The following DNAAF4 variants were observed in gnomAD, a reference collection of about 807,000 sequenced individuals.
DNAAF4 encodes dynein axonemal assembly factor 4, also known as dynein assembly factor 4, axonemal.
A neutral mutation model predicts 51.8 loss-of-function variants in DNAAF4; 43 were observed. The observed-to-expected ratio is 0.83, with a 90% CI of 0.65 to 1.07. DNAAF4 has a LOEUF of 1.07. Among genes scored for constraint, DNAAF4 ranks in the 50% least tolerant of loss-of-function variants. The pLI, the probability that DNAAF4 is intolerant of heterozygous loss-of-function variation, is 0.00. For synonymous variants in DNAAF4, 194 were observed against 165.6 expected (o/e 1.17, Z -1.32); for missense variants, 581 against 493.0 (o/e 1.18, Z -1.69).
chr15:55,456,126 C>A (rs1236893438), intron 5 of DNAAF4, among the ~76,000 whole-genome samples: 1 of 150,334 alleles, frequency 6.7e-6, no homozygotes, highest in Non-Finnish European at 1.5e-5. Flanking sequence ...GTTGCCCAGG[C>A]TGGAGTGCAA....
chr15:55,433,939 A>ATATAATATTATTATATATTT lies in DNAAF4; in HGVS notation c.1047+965_1047+966insAAATATATAATAATATTATA, dbSNP rs369357154. Among the ~76,000 whole-genome samples, 6 of 5,506 alleles carry ATATAATATTATTATATATTT rather than the reference A, an allele frequency of 1.1e-3. No homozygotes were observed. In the South Asian group the frequency reaches 0.034, roughly 31 times the overall value. The allele number at this position is 5,506 out of a possible 152,430, so 3.6% of individuals were successfully genotyped here. A position where few individuals can be genotyped will look rare whatever the true frequency, so the allele number is the denominator to read the frequency against. The stretch of plus-strand genomic sequence containing the variant: ...TTATATATATTATATTATATAAAAT[A>ATATAATATTATTATATATTT]TATATAATATATATAATATATATAA... On this transcript the variant is annotated intron_variant, in intron 8 of 9. Transcript: ENST00000321149.
At chr15:55,504,510 G>A (rs538041333) in intron 1 of DNAAF4, among the ~76,000 whole-genome samples, 1 of 152,154 alleles carries the variant, frequency 6.6e-6, no homozygotes, top group African/African-American at 2.4e-5. Flanking sequence ...TACACTACCT[G>A]ACTTCAAACT....
chr15:55,432,549 C>T lies in DNAAF4; in HGVS notation c.1101G>A (p.Lys367=). ...PVTDNANARM[K]AHVRRGTAFC... Reference sequence around the variant, plus strand: ...ATGCTGTTCCACGTCGTACATGTGCCTTCATTCTTGCATTAGCATTGTCTG... The same window carrying T: ...ATGCTGTTCCACGTCGTACATGTGCTTTCATTCTTGCATTAGCATTGTCTG... Residue 367 remains lysine (K), a synonymous_variant, in exon 9 of 10, where the codon AAG becomes AAA. Coordinates refer to ENST00000321149, the MANE Select transcript of DNAAF4 (RefSeq NM_130810.4). The T allele has an allele frequency of 6.2e-7, 1 of 1,612,798 alleles. No homozygotes were observed. Among genetic ancestry groups the T allele is most frequent in the Non-Finnish European group, 8.5e-7 (1 of 1,179,158 alleles).
rs572614145 is a variant in DNAAF4, at chr15:55,507,204, G to A, written c.-256+918C>T. Reference sequence around the variant, plus strand: ...GAATCCACTAGATAAGGATTCCTAGGTATGTGGTAAAACTATACAAACACT... The same window carrying A: ...GAATCCACTAGATAAGGATTCCTAGATATGTGGTAAAACTATACAAACACT... On this transcript the variant is annotated intron_variant, in intron 1 of 9. Coordinates refer to ENST00000321149, the MANE Select transcript of DNAAF4 (RefSeq NM_130810.4). Among the ~76,000 whole-genome samples, 11 of 152,140 alleles carry A rather than the reference G, an allele frequency of 7.2e-5. No homozygotes were observed. The South Asian group carries it at 2.3e-3, about 32-fold the overall frequency.
At chr15:55,491,667 T>G (rs2058573147) in intron 3 of DNAAF4, among the ~76,000 whole-genome samples, 1 of 139,722 alleles carries the variant, frequency 7.2e-6, no homozygotes, top group Admixed American at 7.6e-5. Context: ...ATATTATATA[T>G]TATAGATAAT....
intron 4 of DNAAF4, among the ~76,000 whole-genome samples, chr15:55,475,066 A>G (rs1037608671): frequency 2.6e-5 from 4 of 152,236 alleles, no homozygotes; most frequent in African/African-American, 9.6e-5. Context: ...GTATATCCAA[A>G]TAAATGGAGA....
downstream of DNAAF4, among the ~76,000 whole-genome samples, chr15:55,426,831 C>G (rs564931619): frequency 1.4e-4 from 21 of 152,318 alleles, no homozygotes; most frequent in Admixed American, 1.2e-3. Flanking sequence ...ACTGTTTTAA[C>G]TCTTGCAAGG....
chr15:55,496,000 G>C (rs988861890), intron 3 of DNAAF4, among the ~76,000 whole-genome samples: 1 of 152,222 alleles, frequency 6.6e-6, no homozygotes, highest in African/African-American at 2.4e-5. Flanking sequence ...GCCGAGGTGG[G>C]TGGATCACTT....
intron 2 of DNAAF4, 144 bp from the exon 3 acceptor site, chr15:55,498,003 G>A: frequency 2.3e-6 from 3 of 1,309,150 alleles, no homozygotes; most frequent in Non-Finnish European, 2.1e-6. Flanking sequence ...AGGCATATGA[G>A]GAAGCCCTGG....
At chr15:55,426,145 T>G (rs2057429036), downstream of DNAAF4, among the ~76,000 whole-genome samples, 1 of 152,274 alleles carries the variant, frequency 6.6e-6, no homozygotes, top group Middle Eastern at 3.4e-3. Context: ...AGTTCCTGGG[T>G]GGAAGTCACA....
intron 6 of DNAAF4, among the ~76,000 whole-genome samples, chr15:55,449,701 T>TTG (rs1203675972): frequency 4.3e-5 from 6 of 140,692 alleles, no homozygotes; most frequent in Non-Finnish European, 9.2e-5. Flanking sequence ...GACCGCTTTT[T>TTG]TTTTTTTTTT....
At chr15:55,418,229 A>G (rs534357896) in intron 7 of DNAAF4, 376 of 1,572,144 alleles carry the variant, frequency 2.4e-4, no homozygotes, top group Admixed American at 3.4e-4. Context: ...TTAGGATAAG[A>G]AAAGTACTTC....
rs2057477366 is a variant in DNAAF4, at chr15:55,430,638, T to G, written c.*32A>C. ...ATGCCTCCAGTTGTTTTTAAAAAAC[T>G]TATAACAATACTTAGTTACTTCTAA... is the stretch of plus-strand genomic sequence containing the variant. On this transcript the variant is annotated 3_prime_UTR_variant, in exon 10 of 10. Coordinates refer to ENST00000321149, the MANE Select transcript of DNAAF4 (RefSeq NM_130810.4). 4 of 1,600,194 alleles carry G rather than the reference T, an allele frequency of 2.5e-6. No homozygotes were observed. The highest frequency in any genetic ancestry group is 2.6e-6 in the Non-Finnish European group (3 of 1,174,220).
rs959375594 is a variant in DNAAF4, at chr15:55,498,565, A to G, written c.-236T>C. The G allele has an allele frequency of 2.2e-6, 1 of 460,480 alleles. No individual in the cohort carries two copies. Among genetic ancestry groups the G allele is most frequent in the Non-Finnish European group, 3.8e-6 (1 of 266,496 alleles). 28.5% of individuals were successfully genotyped at this position (460,480 alleles called of 1,614,324 possible). On this transcript the variant is annotated 5_prime_UTR_variant, in exon 2 of 10. Coordinates refer to ENST00000321149, the MANE Select transcript of DNAAF4 (RefSeq NM_130810.4). ...ACCTTACGATCTGAGCGAATGTTCA[A>G]AGAAGTAGACCCATACCCTCTGCTT...
At chr15:55,452,589 G>T (rs1364008015) in intron 5 of DNAAF4, among the ~76,000 whole-genome samples, 1 of 152,062 alleles carries the variant, frequency 6.6e-6, no homozygotes, top group Non-Finnish European at 1.5e-5. Context: ...TTTGCTGTTT[G>T]TAACAACACA....
chr15:55,446,201 C>A (rs1254287942), intron 6 of DNAAF4, among the ~76,000 whole-genome samples: 1 of 136,134 alleles, frequency 7.3e-6, no homozygotes, highest in Non-Finnish European at 1.6e-5. Context: ...CGGGCAGAGG[C>A]GCTCCCCACT....
chr15:55,496,228 C>G (rs1488791358), intron 3 of DNAAF4, among the ~76,000 whole-genome samples: 3 of 152,170 alleles, frequency 2.0e-5, no homozygotes, highest in African/African-American at 4.8e-5. Context: ...GAGACTCTGT[C>G]TTTCCAAACA....
Position 55,436,773 on chromosome 15 carries a change from C to A in DNAAF4, c.894-1715G>T, listed in dbSNP as rs575245616. Among the ~76,000 whole-genome samples the A allele has an allele frequency of 2.0e-5, 3 of 152,262 alleles. No homozygotes were observed. The South Asian group carries it at 6.2e-4, about 32-fold the overall frequency. ...GAACTCAAGTATCTACCCATCTTGG[C>A]CTCTCAAAGTGCTGGGATTACAGGC... On this transcript the variant is annotated intron_variant, in intron 7 of 9. Coordinates refer to ENST00000321149, the MANE Select transcript of DNAAF4 (RefSeq NM_130810.4).
At chr15:55,470,733 T>C (rs974309048) in intron 4 of DNAAF4, among the ~76,000 whole-genome samples, 2 of 151,692 alleles carry the variant, frequency 1.3e-5, no homozygotes, top group South Asian at 2.1e-4. Flanking sequence ...TTTGTAAAGA[T>C]GGGGTTTTCC....
Sources: gnomAD v4.1 joint callset for allele counts (sites outside exome capture counted in the v4.1 genomes callset) on GRCh38, gnomAD v4.1.1 for gene constraint, MANE v1.5 for transcripts, NCBI Gene and HGNC (gene_info 2026-07-23, HGNC 2026-07-21) for gene names.